CPA3: variants seen among roughly 807,000 people sequenced by gnomAD.
CPA3 encodes the protein carboxypeptidase A3.
Under a neutral mutation model 55.8 loss-of-function variants are expected in CPA3, and 52 were observed. That is an observed-to-expected ratio of 0.93 (90% CI 0.75 to 1.17). CPA3 has a LOEUF of 1.17. Among genes scored for constraint, CPA3 ranks in the 50% most tolerant of loss-of-function variants. The pLI, the probability that CPA3 is intolerant of heterozygous loss-of-function variation, is 0.00. For synonymous variants in CPA3, 179 were observed against 171.2 expected, an observed-to-expected ratio of 1.05 and a Z score of -0.36; for missense variants, 547 against 509.1, an observed-to-expected ratio of 1.07 and a Z score of -0.72.
At position 148,881,415 on chromosome 3, in the gene CPA3, A is replaced by G. The variant is rs140377611; in HGVS notation, c.577-107A>G. On this transcript the variant is annotated intron_variant, in intron 6 of 10. Transcript: ENST00000296046. ...CATTTTAGGGAAAATATGCTTGAAA[A>G]CATGTGACCTTGGGAAGTGACTCAA... The G allele has an allele frequency of 1.1e-4, 66 of 614,734 alleles. No individual in the cohort carries two copies. The East Asian group carries it at 1.1e-3, about 10-fold the overall frequency. 38.1% of individuals were successfully genotyped at this position (614,734 alleles called of 1,614,324 possible).
chr3:148,875,043 C>T (rs1714169708), intron 3 of CPA3, among the ~76,000 whole-genome samples: 1 of 152,116 alleles, frequency 6.6e-6, no homozygotes, highest in Non-Finnish European at 1.5e-5. Context: ...GGTAACTAAG[C>T]CACCCAAGAT....
chr3:148,876,034 G>C (rs1322180851), intron 3 of CPA3, among the ~76,000 whole-genome samples: 1 of 151,804 alleles, frequency 6.6e-6, no homozygotes, highest in East Asian at 1.9e-4. Context: ...ATTGGCAGAA[G>C]AAATAACACA....
intron 2 of CPA3, among the ~76,000 whole-genome samples, chr3:148,868,483 T>A (rs1311140020): frequency 6.6e-6 from 1 of 152,138 alleles, no homozygotes; most frequent in African/African-American, 2.4e-5. Context: ...TGATACAATA[T>A]CTTGTATCAG....
intron 3 of CPA3, among the ~76,000 whole-genome samples, chr3:148,874,142 G>A (rs533696327): frequency 3.9e-5 from 6 of 152,270 alleles, no homozygotes; most frequent in African/African-American, 1.2e-4. Flanking sequence ...CCGTTCTGAT[G>A]TTCTCATGCA....
In CPA3 at chr3:148,877,845, A is replaced by T. The variant is rs540710767; in HGVS notation, c.270-596A>T. ...AGTTTCTCCCAGCTCAGAAGGTGTG[A>T]AATTATAAGGTATGATCTGTAGATG... On this transcript the variant is annotated intron_variant, in intron 3 of 10. Coordinates refer to ENST00000296046, the MANE Select transcript of CPA3 (RefSeq NM_001870.4). Among the ~76,000 whole-genome samples the T allele has an allele frequency of 2.0e-5, 3 of 152,260 alleles. No homozygotes were observed. The East Asian group carries it at 5.8e-4, about 29-fold the overall frequency.
chr3:148,885,431 A>G (rs1349234185), intron 9 of CPA3, among the ~76,000 whole-genome samples: 37 of 56,416 alleles, frequency 6.6e-4, no homozygotes, highest in African/African-American at 2.2e-3. Context: ...TTTTTTTTTT[A>G]GACGGAGTCT....
In CPA3 at chr3:148,885,972, G is replaced by A. The variant is rs1714517048; in HGVS notation, c.982-121G>A. 5.8e-6 allele frequency: 4 copies of A among 687,914 alleles called. No homozygotes were observed. The East Asian group carries it at 8.5e-5, about 15-fold the overall frequency. The allele number at this position is 687,914 out of a possible 1,614,324, so 42.6% of individuals were successfully genotyped here. On this transcript the variant is annotated intron_variant, in intron 9 of 10. Coordinates refer to ENST00000296046, the MANE Select transcript of CPA3 (RefSeq NM_001870.4). ...ATGAGTCTTGAAACTAAAGATCAAG[G>A]GATAAGCACAGTGCCTAACCTGTAA...
intron 6 of CPA3, among the ~76,000 whole-genome samples, chr3:148,880,843 T>C (rs944775357): frequency 4.6e-5 from 7 of 152,130 alleles, no homozygotes; most frequent in Non-Finnish European, 8.8e-5. Context: ...CTGTAGTTAC[T>C]TTTGCTCTCC....
chr3:148,870,202 A>G (rs1559966055), intron 3 of CPA3: 1 of 151,816 alleles, frequency 6.6e-6, no homozygotes, highest in Non-Finnish European at 1.5e-5. Context: ...ATGTTATGCC[A>G]GGATTCCCCT....
chr3:148,887,732 T>C (rs1371463918), intron 10 of CPA3, among the ~76,000 whole-genome samples: 2 of 152,240 alleles, frequency 1.3e-5, no homozygotes, highest in African/African-American at 2.4e-5. Context: ...CTTCAGTTCT[T>C]AGTCTCAAAA....
intron 6 of CPA3, among the ~76,000 whole-genome samples, chr3:148,881,159 C>G (rs142538393): frequency 6.6e-4 from 101 of 152,222 alleles, no homozygotes; most frequent in African/African-American, 2.1e-3. Flanking sequence ...CAGACTCTAT[C>G]TATATTTATG....
intron 8 of CPA3, among the ~76,000 whole-genome samples, chr3:148,883,014 C>T (rs551431685): frequency 2.6e-5 from 4 of 152,264 alleles, no homozygotes; most frequent in South Asian, 2.1e-4. Context: ...AACAGAAATA[C>T]GATGATAAGC....
chr3:148,893,479 G>A (rs967796228), intron 10 of CPA3, among the ~76,000 whole-genome samples: 1 of 152,076 alleles, frequency 6.6e-6, no homozygotes, highest in African/African-American at 2.4e-5. Context: ...CACTCGCTCT[G>A]AAGACAGAAA....
chr3:148,879,691 G>A lies in CPA3; in HGVS notation c.475-97G>A, dbSNP rs547815490. Reference sequence around the variant, plus strand: ...GGTTCTCATTCAACAATAGACAGGGGAAATAATTGCTTTGAGAATATGAAT... The same window carrying A: ...GGTTCTCATTCAACAATAGACAGGGAAAATAATTGCTTTGAGAATATGAAT... On this transcript the variant is annotated intron_variant, in intron 5 of 10. Coordinates refer to ENST00000296046, the MANE Select transcript of CPA3 (RefSeq NM_001870.4). 7.6e-6 allele frequency: 6 copies of A among 791,142 alleles called. No individual in the cohort carries two copies. The East Asian group carries it at 1.5e-4, about 20-fold the overall frequency. The allele number at this position is 791,142 out of a possible 1,614,324, so 49.0% of individuals were successfully genotyped here.
chr3:148,896,709 G>A lies in CPA3; in HGVS notation c.*2G>A. 1 of 1,504,386 alleles carries A rather than the reference G, an allele frequency of 6.6e-7. No individual in the cohort carries two copies. The highest frequency in any genetic ancestry group is 9.1e-7 in the Non-Finnish European group (1 of 1,104,682). 93.2% of individuals were successfully genotyped at this position (1,504,386 alleles called of 1,614,324 possible). A position where few individuals can be genotyped will look rare whatever the true frequency, so the allele number is the denominator to read the frequency against. ...TATATCCTCAAGCATACTTCCTAAAGAACTGCCCTCTGTTTGGAATAAGCC... is the reference window on the plus strand; with the variant it reads ...TATATCCTCAAGCATACTTCCTAAAAAACTGCCCTCTGTTTGGAATAAGCC... On this transcript the variant is annotated 3_prime_UTR_variant, in exon 11 of 11. Coordinates refer to ENST00000296046, the MANE Select transcript of CPA3 (RefSeq NM_001870.4).
chr3:148,887,081 T>C (rs1040572099), intron 10 of CPA3, among the ~76,000 whole-genome samples: 1 of 152,238 alleles, frequency 6.6e-6, no homozygotes, highest in Non-Finnish European at 1.5e-5. Flanking sequence ...TGGCCTTGAT[T>C]TTCTTGTCTC....
intron 5 of CPA3, 103 bp from the exon 6 acceptor site, chr3:148,879,685 A>G: frequency 1.3e-6 from 1 of 756,744 alleles, no homozygotes; most frequent in Non-Finnish European, 2.3e-6. Flanking sequence ...TCAACAATAG[A>G]CAGGGGAAAT....
intron 3 of CPA3, among the ~76,000 whole-genome samples, chr3:148,874,122 C>G (rs1345408293): frequency 6.6e-6 from 1 of 152,184 alleles, no homozygotes; most frequent in Non-Finnish European, 1.5e-5. Flanking sequence ...CTATCAGCAA[C>G]AATCTGGCAC....
intron 3 of CPA3, among the ~76,000 whole-genome samples, chr3:148,873,248 T>G (rs1288256309): frequency 1.3e-5 from 2 of 152,200 alleles, no homozygotes; most frequent in African/African-American, 4.8e-5. Flanking sequence ...GAAACCATGC[T>G]TTTTGAATAG....
Sources: gnomAD v4.1 joint callset for allele counts (sites outside exome capture counted in the v4.1 genomes callset) on GRCh38, gnomAD v4.1.1 for gene constraint, MANE v1.5 for transcripts, NCBI Gene and HGNC (gene_info 2026-07-23, HGNC 2026-07-21) for gene names.